FGD1: variants seen among roughly 807,000 people sequenced by gnomAD.
FGD1 encodes the protein FYVE, RhoGEF and PH domain-containing protein 1.
FGD1 carries 12 observed loss-of-function variants against 65.0 expected under a neutral mutation model. The ratio of observed to expected loss-of-function variants is 0.18; its 90% confidence interval spans 0.12 to 0.30. FGD1 has a LOEUF of 0.30. Among genes scored for constraint, FGD1 ranks in the 10% least tolerant of loss-of-function variants. FGD1 has a pLI of 1.00. For missense variants in FGD1, 542 were observed against 837.6 expected (o/e 0.65, Z 4.36); for synonymous variants, 333 against 343.9 (o/e 0.97, Z 0.35).
chrX:54,464,105 G>A (rs1922702434), intron 8 of FGD1, among the ~76,000 whole-genome samples: 1 of 103,292 alleles, frequency 9.7e-6, no homozygotes, highest in Non-Finnish European at 2.0e-5. Flanking sequence ...GGAATTACAG[G>A]CACCCACCAC....
chrX:54,448,321 G>A (rs770698448), intron 16 of FGD1, among the ~76,000 whole-genome samples: 2 of 110,651 alleles, frequency 1.8e-5, no homozygotes, highest in South Asian at 7.8e-4. Context: ...CAAGTAGCTG[G>A]GATTGCAGGC....
chrX:54,453,033 G>A (rs1008522599), intron 12 of FGD1, among the ~76,000 whole-genome samples: 11 of 111,871 alleles, frequency 9.8e-5, no homozygotes, highest in Admixed American at 2.9e-4. Flanking sequence ...AAAAGTGACT[G>A]CAAAGCAAAG....
At position 54,470,178 on chromosome X, in the gene FGD1, C is replaced by T; in HGVS notation, c.939G>A (p.Gly313=). 8.3e-7 allele frequency: 1 copy of T among 1,209,687 alleles called. No homozygotes were observed. The change falls in exon 4 of 18, where the codon GGG becomes GGA. Residue 313 remains glycine, a synonymous_variant. Coordinates refer to ENST00000375135, the MANE Select transcript of FGD1 (RefSeq NM_004463.3). ...CAGGCACACTAGCCAGGGCAGGGGG[C>T]CCAGGGCAGAGGCTGTGGCTGGGGG... ...DGPPSHSLCP[G]PPALASVPVA... is the part of the protein sequence containing the mutation.
chrX:54,468,374 G>A (rs1227479948), intron 5 of FGD1, among the ~76,000 whole-genome samples: 1 of 111,732 alleles, frequency 8.9e-6, no homozygotes, highest in Non-Finnish European at 1.9e-5. Flanking sequence ...TGTCTGCTGT[G>A]TGCGAGGCAC....
intron 8 of FGD1, 71 bp from the exon 9 acceptor site, chrX:54,456,638 G>GT (rs3833405): frequency 0.11 from 64,441 of 586,742 alleles, no homozygotes; most frequent in Non-Finnish European, 0.12. Context: ...TTTGTTTTTT[G>GT]TTTTTTTTTT....
intron 6 of FGD1, among the ~76,000 whole-genome samples, chrX:54,466,910 C>T (rs917180714): frequency 6.4e-5 from 7 of 108,530 alleles, no homozygotes; most frequent in East Asian, 2.9e-4. Context: ...CCACCATGCC[C>T]GGCTAATTTT....
chrX:54,448,893 A>G lies in FGD1; in HGVS notation c.2349T>C (p.Thr783=). ...YDNNRSNRVC[T]DCYVALHGVP... ...CCCCGTGCAAGGCCACATAGCAATC[A>G]GTGCACACACGGTTGGAGCGGTTGT... Residue 783 remains threonine (T), a synonymous_variant, in exon 16 of 18, where the codon ACT becomes ACC. Coordinates refer to ENST00000375135, the MANE Select transcript of FGD1 (RefSeq NM_004463.3). The G allele has an allele frequency of 8.3e-7, 1 of 1,211,845 alleles. No individual in the cohort carries two copies. Among genetic ancestry groups the G allele is most frequent in the African/African-American group, 1.7e-5 (1 of 57,961 alleles).
chrX:54,455,750 A>T lies in FGD1; in HGVS notation c.1877T>A (p.Leu626Gln). Residue 626 changes from leucine to glutamine, a missense_variant, in exon 11 of 18, where the codon CTG becomes CAG. Leu to Gln is a moderately radical substitution (Grantham distance 113). Around this residue, in one of 6 missense-constraint regions of FGD1, gnomAD observed 182 missense variants for 311.4 expected, o/e 0.58. Coordinates refer to ENST00000375135, the MANE Select transcript of FGD1 (RefSeq NM_004463.3). ...NDRLLYCVPR[L>Q]RLLGQKFSVR... ...GCTAAACTTCTGGCCAAGGAGCCGC[A>T]GCCTGGGCACGCAGTAAAGGAGGCG... 1 of 1,188,832 alleles carries T rather than the reference A, an allele frequency of 8.4e-7. No individual in the cohort carries two copies. Among genetic ancestry groups the T allele is most frequent in the Non-Finnish European group, 1.1e-6 (1 of 882,638 alleles).
At chrX:54,491,623 G>A (rs920834663) in intron 1 of FGD1, among the ~76,000 whole-genome samples, 8 of 112,156 alleles carry the variant, frequency 7.1e-5, no homozygotes, top group Admixed American at 5.7e-4. Context: ...TCTGGAAAAC[G>A]GACTTAACTA....
At chrX:54,485,785 T>C (rs1476806244) in intron 1 of FGD1, among the ~76,000 whole-genome samples, 1 of 110,682 alleles carries the variant, frequency 9.0e-6, no homozygotes, top group African/African-American at 3.3e-5. Context: ...ATATGCTTTT[T>C]TTTTTTTTGA....
intron 8 of FGD1, among the ~76,000 whole-genome samples, chrX:54,464,120 C>A (rs1922704024): frequency 9.8e-6 from 1 of 102,034 alleles, no homozygotes; most frequent in Non-Finnish European, 2.0e-5. Flanking sequence ...CACCACCACG[C>A]CCAGCTCTTT....
At chrX:54,489,320 G>A (rs941543783) in intron 1 of FGD1, among the ~76,000 whole-genome samples, 4 of 112,510 alleles carry the variant, frequency 3.6e-5, no homozygotes, top group African/African-American at 9.7e-5. Context: ...GGTGGCTCAC[G>A]CCTATAATCC....
intron 7 of FGD1, 51 bp downstream of exon 7, chrX:54,465,645 C>T: frequency 8.3e-7 from 1 of 1,210,836 alleles, no homozygotes; most frequent in South Asian, 1.8e-5. Flanking sequence ...CCCACCACAT[C>T]CCTGCAGACC....
chrX:54,494,881 AGAG>A (rs761899856), intron 1 of FGD1, among the ~76,000 whole-genome samples: 4 of 111,128 alleles, frequency 3.6e-5, no homozygotes, highest in South Asian at 3.9e-4. Flanking sequence ...CTCAGCAGAC[AGAG>A]GAGAAGGGGG....
At chrX:54,474,202 T>C (rs1045014497) in intron 1 of FGD1, among the ~76,000 whole-genome samples, 1 of 111,763 alleles carries the variant, frequency 8.9e-6, no homozygotes, top group Admixed American at 9.5e-5. Flanking sequence ...GGCCCAGGAA[T>C]ACACACACTG....
chrX:54,491,672 G>A (rs748111240), intron 1 of FGD1, among the ~76,000 whole-genome samples: 151 of 112,351 alleles, frequency 1.3e-3, no homozygotes, highest in Non-Finnish European at 1.6e-3. Context: ...AATCACCTAA[G>A]GAGCTTTTGA....
At chrX:54,482,676 A>T (rs564653924) in intron 1 of FGD1, among the ~76,000 whole-genome samples, 2 of 111,994 alleles carry the variant, frequency 1.8e-5, no homozygotes, top group African/African-American at 6.5e-5. Context: ...ACACAGAAGG[A>T]TTATGAGGGG....
intron 1 of FGD1, among the ~76,000 whole-genome samples, chrX:54,481,393 T>C (rs1923139512): frequency 9.8e-6 from 1 of 102,377 alleles, no homozygotes; most frequent in Non-Finnish European, 2.0e-5. Context: ...ATATAAGATA[T>C]GAGGATTCAA....
chrX:54,462,570 T>G (rs185462502), intron 8 of FGD1, among the ~76,000 whole-genome samples: 1 of 107,011 alleles, frequency 9.3e-6, no homozygotes, highest in East Asian at 3.0e-4. Context: ...TTTTGTATTT[T>G]TAGTAGAGAT....
Sources: gnomAD v4.1 joint callset for allele counts (sites outside exome capture counted in the v4.1 genomes callset) on GRCh38, gnomAD v4.1.1 for gene constraint, gnomAD v4.1.1 regional missense constraint, MANE v1.5 for transcripts, NCBI Gene and HGNC (gene_info 2026-07-23, HGNC 2026-07-21) for gene names.